Variants in TENM3 observed in about 807,000 individuals in gnomAD.
TENM3 encodes the protein teneurin transmembrane protein 3.
In TENM3, 63 loss-of-function variants were observed where a neutral mutation model predicts 255.1. That is an observed-to-expected ratio of 0.25 (90% CI 0.20 to 0.30). The LOEUF is 0.30. TENM3 is among the 10% of genes least tolerant of loss of function. The pLI is 1.00. For synonymous variants in TENM3, 1,306 were observed against 1,322.3 expected (o/e 0.99, Z 0.27); for missense variants, 2,929 against 3,461.1 (o/e 0.85, Z 3.86).
chr4:181,530,363 G>A, the TENM3 span, among the ~76,000 whole-genome samples: 22 of 152,184 alleles, frequency 1.4e-4, no homozygotes, highest in African/African-American at 3.1e-4. Context: ...AGCCATCAGC[G>A]CGTGGAGGTG....
At chr4:182,201,479 G>A (rs1176873683) in intron 1 of TENM3, among the ~76,000 whole-genome samples, 2 of 152,144 alleles carry the variant, frequency 1.3e-5, no homozygotes, top group Non-Finnish European at 2.9e-5. Context: ...GCTGTGAGTG[G>A]AGGGTAAACA....
At chr4:182,704,689 C>G (rs928744557) in intron 12 of TENM3, among the ~76,000 whole-genome samples, 1 of 152,088 alleles carries the variant, frequency 6.6e-6, no homozygotes, top group Non-Finnish European at 1.5e-5. Context: ...CACCAAGTTT[C>G]CAAACTGTAA....
chr4:182,150,747 A>G (rs1178238001), intron 1 of TENM3, among the ~76,000 whole-genome samples: 3 of 152,180 alleles, frequency 2.0e-5, no homozygotes, highest in Non-Finnish European at 4.4e-5. Flanking sequence ...TTATTTAATT[A>G]CTAGTAATAT....
the TENM3 span, among the ~76,000 whole-genome samples, chr4:181,576,402 C>CT: frequency 6.6e-6 from 1 of 152,154 alleles, no homozygotes; most frequent in African/African-American, 2.4e-5. Context: ...GTGCAGATGT[C>CT]TTTTTGCTCT....
intron 3 of TENM3, among the ~76,000 whole-genome samples, chr4:182,460,466 G>A (rs1037620847): frequency 6.6e-6 from 1 of 152,170 alleles, no homozygotes. Flanking sequence ...GAAGTACACA[G>A]TAAATGTACT....
chr4:182,198,694 C>T (rs1035694259), intron 1 of TENM3, among the ~76,000 whole-genome samples: 9 of 152,124 alleles, frequency 5.9e-5, no homozygotes, highest in South Asian at 2.1e-4. Context: ...TCAGGTAGTG[C>T]GGAGTGGATG....
chr4:181,482,064 C>G, the TENM3 span, among the ~76,000 whole-genome samples: 13 of 151,980 alleles, frequency 8.6e-5, no homozygotes, highest in East Asian at 2.5e-3. Flanking sequence ...GATCAACTGC[C>G]TTCACATTAT....
chr4:181,749,298 T>A, the TENM3 span, among the ~76,000 whole-genome samples: 2,292 of 152,214 alleles, frequency 0.015, 66 homozygotes, highest in African/African-American at 0.053. Context: ...AAATGCATCT[T>A]GCAGAAAGAA....
intron 26 of TENM3, among the ~76,000 whole-genome samples, chr4:182,795,925 A>G (rs879799246): frequency 1.6e-4 from 25 of 152,256 alleles, no homozygotes; most frequent in Admixed American, 2.6e-4. Flanking sequence ...TATAACCTCC[A>G]GAATAGAATA....
chr4:181,924,646 C>A, the TENM3 span, among the ~76,000 whole-genome samples: 1 of 152,144 alleles, frequency 6.6e-6, no homozygotes, highest in Non-Finnish European at 1.5e-5. Flanking sequence ...CCTTTTCTTA[C>A]TTTTTTTACA....
At chr4:182,710,045 A>G (rs1033886941) in intron 12 of TENM3, among the ~76,000 whole-genome samples, 8 of 152,196 alleles carry the variant, frequency 5.3e-5, no homozygotes, top group African/African-American at 1.9e-4. Context: ...TGATTGGCTG[A>G]TTAGAAATAA....
intron 3 of TENM3, among the ~76,000 whole-genome samples, chr4:182,553,796 G>A (rs1436145469): frequency 1.3e-5 from 2 of 152,188 alleles, no homozygotes; most frequent in Non-Finnish European, 2.9e-5. Flanking sequence ...TGGAGAGTTA[G>A]AGTCCATCTG....
chr4:182,363,421 A>G (rs140979848), intron 3 of TENM3, among the ~76,000 whole-genome samples: 6 of 151,958 alleles, frequency 3.9e-5, no homozygotes, highest in Admixed American at 3.9e-4. Context: ...ATATGTACAT[A>G]TATACATATA....
At chr4:181,605,568 A>AAGAAAGAAAGAAAGAAAGGG in the TENM3 span, among the ~76,000 whole-genome samples, 2 of 42,164 alleles carry the variant, frequency 4.7e-5, no homozygotes, top group African/African-American at 1.7e-4. Flanking sequence ...GAAAGAAAGA[A>AAGAAAGAAAGAAAGAAAGGG]AGAGAGAGAA....
At chr4:182,048,556 C>G in the TENM3 span, among the ~76,000 whole-genome samples, 3 of 152,154 alleles carry the variant, frequency 2.0e-5, no homozygotes, top group Non-Finnish European at 4.4e-5. Context: ...GTAAACACAA[C>G]AAAACTCAGT....
chr4:182,329,220 C>A (rs1331182681), intron 2 of TENM3, among the ~76,000 whole-genome samples: 1 of 152,124 alleles, frequency 6.6e-6, no homozygotes, highest in Non-Finnish European at 1.5e-5. Context: ...AAGTGTTTTC[C>A]GCTTTGTGCC....
chr4:181,730,390 C>T, the TENM3 span, among the ~76,000 whole-genome samples: 67 of 152,160 alleles, frequency 4.4e-4, no homozygotes, highest in Non-Finnish European at 7.2e-4. Flanking sequence ...AGTTGTAAAT[C>T]CGAGCCGATG....
chr4:182,257,725 G>T (rs1175748382), intron 1 of TENM3, among the ~76,000 whole-genome samples: 1 of 152,160 alleles, frequency 6.6e-6, no homozygotes, highest in African/African-American at 2.4e-5. Context: ...AGCCCTTTGA[G>T]ATGGGTATTA....
intron 3 of TENM3, among the ~76,000 whole-genome samples, chr4:182,446,694 A>C (rs187438096): frequency 6.6e-6 from 1 of 151,996 alleles, no homozygotes; most frequent in East Asian, 1.9e-4. Flanking sequence ...TCCTGGGCTC[A>C]AGCAGTCTGC....
Sources: gnomAD v4.1 joint callset for allele counts (sites outside exome capture counted in the v4.1 genomes callset) on GRCh38, gnomAD v4.1.1 for gene constraint, MANE v1.5 for transcripts, NCBI Gene and HGNC (gene_info 2026-07-23, HGNC 2026-07-21) for gene names.